The following IL3 variants were observed in gnomAD, a reference collection of about 807,000 sequenced individuals.
The protein encoded by IL3 is interleukin-3.
Under a neutral mutation model 15.4 loss-of-function variants are expected in IL3, and 15 were observed. The ratio of observed to expected loss-of-function variants is 0.97; its 90% CI spans 0.65 to 1.50. The LOEUF is 1.50. Ranked by LOEUF, IL3 falls within the 40% of genes most tolerant of loss-of-function variation. IL3 has a pLI of 0.00. For synonymous variants in IL3, 74 were observed against 79.3 expected, an observed-to-expected ratio of 0.93 and a Z score of 0.36; for missense variants, 162 against 192.2, an observed-to-expected ratio of 0.84 and a Z score of 0.93.
chr5:132,061,126 C>A, intron 2 of IL3, 118 bp downstream of exon 2: 1 of 857,256 alleles, frequency 1.2e-6, no homozygotes. Flanking sequence ...TAGCACCTAT[C>A]TCAGTGGGAT....
At position 132,062,576 on chromosome 5, in the gene IL3, T is replaced by G; in HGVS notation, c.336+9T>G. The G allele has an allele frequency of 6.2e-7, 1 of 1,614,042 alleles. No individual in the cohort carries two copies. Among genetic ancestry groups the G allele is most frequent in the Non-Finnish European group, 8.5e-7 (1 of 1,179,960 alleles). ...CCACGGCCGCACCCACGGTAAGCTG[T>G]CCCCCAAGATGCCCGTCATGGCTTG... is the stretch of plus-strand genomic sequence containing the variant. On this transcript the variant is annotated intron_variant, in intron 4 of 4. Transcript: ENST00000296870.
chr5:132,062,470 G>T, intron 3 of IL3, 56 bp from the exon 4 acceptor site: 1 of 1,613,410 alleles, frequency 6.2e-7, no homozygotes. Context: ...AGGAGAGCAG[G>T]GCCCACTCCC....
rs1448257609 is a variant in IL3, at chr5:132,060,800, TG to T, written c.97del (p.Val33LeufsTer6). On this transcript the variant is annotated frameshift_variant, in exon 1 of 5. Transcript: ENST00000296870. LOFTEE classifies it high-confidence loss of function. ...MTQTTPLKTS[W>X]VNCSNMIDEI... is the part of the protein sequence containing the mutation. ...CCAGACAACGCCCTTGAAGACAAGC[TG>T]GGTTAACTGCTCTAACATGATCGAT... The T allele has an allele frequency of 1.2e-6, 2 of 1,614,122 alleles. No homozygotes were observed. The highest frequency in any genetic ancestry group is 2.7e-5 in the African/African-American group (2 of 74,948).
Position 132,061,028 on chromosome 5 carries a change from A to G in IL3, c.204+20A>G, listed in dbSNP as rs1469922854. 2 of 1,612,986 alleles carry G rather than the reference A, an allele frequency of 1.2e-6. No individual in the cohort carries two copies. Among genetic ancestry groups the G allele is most frequent in the Non-Finnish European group, 1.7e-6 (2 of 1,178,986 alleles). ...CTGATGGTAAGAGCTCAGCCCGTGG[A>G]TCCCGATCCACTTCCTGCCTGGGTG... is the stretch of plus-strand genomic sequence containing the variant. On this transcript the variant is annotated intron_variant, in intron 2 of 4. Transcript: ENST00000296870.
At chr5:132,061,060 G>A (rs1299170878) in intron 2 of IL3, 52 bp downstream of exon 2, 18 of 1,551,956 alleles carry the variant, frequency 1.2e-5, no homozygotes, top group Non-Finnish European at 1.4e-5. Context: ...GGTGACTTCA[G>A]CCATGTCATT....
intron 2 of IL3, 74 bp from the exon 3 acceptor site, chr5:132,062,238 G>A (rs1307901122): frequency 1.7e-6 from 2 of 1,196,586 alleles, no homozygotes; most frequent in South Asian, 1.2e-5. Flanking sequence ...GAAACTGTGG[G>A]GGTGACTTCC....
intron 2 of IL3, 61 bp from the exon 3 acceptor site, chr5:132,062,251 C>A: frequency 1.5e-6 from 2 of 1,345,084 alleles, no homozygotes; most frequent in Non-Finnish European, 2.1e-6. Flanking sequence ...TGACTTCCAC[C>A]TGCTTGTGGG....
At position 132,063,058 on chromosome 5, in the gene IL3, G is replaced by T. The variant is rs974688985; in HGVS notation, c.*267G>T. 2 of 378,434 alleles carry T rather than the reference G, an allele frequency of 5.3e-6. No homozygotes were observed. Among genetic ancestry groups the T allele is most frequent in the Non-Finnish European group, 9.5e-6 (2 of 210,658 alleles). The allele number at this position is 378,434 out of a possible 1,614,324, so 23.4% of individuals were successfully genotyped here. On this transcript the variant is annotated 3_prime_UTR_variant, in exon 5 of 5. Coordinates refer to ENST00000296870, the MANE Select transcript of IL3 (RefSeq NM_000588.4). ...TATGTATTTATTTATTTATTGCCTGGAGTGTGAACTGTATTTATTTTAGCA... is the reference window on the plus strand; with the variant it reads ...TATGTATTTATTTATTTATTGCCTGTAGTGTGAACTGTATTTATTTTAGCA...
chr5:132,062,431 CCT>C, intron 3 of IL3, 30 bp downstream of exon 3: 1 of 1,612,004 alleles, frequency 6.2e-7, no homozygotes, highest in Non-Finnish European at 8.5e-7. Context: ...GTTTGGGATC[CCT>C]GTGTTGGCCC....
intron 2 of IL3, among the ~76,000 whole-genome samples, 193 bp from the exon 3 acceptor site, chr5:132,062,119 A>G (rs1756490612): frequency 6.6e-6 from 1 of 152,226 alleles, no homozygotes; most frequent in African/African-American, 2.4e-5. Flanking sequence ...TGAGGAAACC[A>G]GGTCCTGCCT....
In IL3 at chr5:132,062,577, C is replaced by T. The variant is rs755494111; in HGVS notation, c.336+10C>T. ...CACGGCCGCACCCACGGTAAGCTGT[C>T]CCCCAAGATGCCCGTCATGGCTTGC... On this transcript the variant is annotated intron_variant, in intron 4 of 4. Coordinates refer to ENST00000296870, the MANE Select transcript of IL3 (RefSeq NM_000588.4). The T allele has an allele frequency of 2.5e-6, 4 of 1,613,928 alleles. No homozygotes were observed. Among genetic ancestry groups the T allele is most frequent in the African/African-American group, 2.7e-5 (2 of 74,926 alleles).
At chr5:132,062,127 C>A (rs1756490987) in intron 2 of IL3, among the ~76,000 whole-genome samples, 185 bp from the exon 3 acceptor site, 3 of 152,216 alleles carry the variant, frequency 2.0e-5, no homozygotes, top group African/African-American at 4.8e-5. Flanking sequence ...CCAGGTCCTG[C>A]CTGCCACTCA....
Position 132,060,722 on chromosome 5 carries a change from G to A in IL3, c.16G>A (p.Val6Ile), listed in dbSNP as rs370114748. The change falls in exon 1 of 5, where the codon GTC becomes ATC. Residue 6 changes from valine (V) to isoleucine (I), a missense_variant. Physicochemically the swap from Val to Ile is conservative, Grantham distance 29. Coordinates refer to ENST00000296870, the MANE Select transcript of IL3 (RefSeq NM_000588.4). ...CGATCCAAACATGAGCCGCCTGCCC[G>A]TCCTGCTCCTGCTCCAACTCCTGGT... MSRLP[V>I]LLLLQLLVRP... 2.8e-5 allele frequency: 45 copies of A among 1,613,366 alleles called. No homozygotes were observed. The highest frequency in any genetic ancestry group is 2.7e-4 in the East Asian group (12 of 44,884).
In IL3 at chr5:132,062,360, A is replaced by T. The variant is rs746225438; in HGVS notation, c.253A>T (p.Lys85Ter). 1.2e-6 allele frequency: 2 copies of T among 1,614,224 alleles called. No individual in the cohort carries two copies. The highest frequency in any genetic ancestry group is 1.1e-5 in the South Asian group (1 of 91,090). Residue 85 changes from lysine (K) to a stop codon, truncating the protein, a stop_gained, in exon 3 of 5, where the codon AAG becomes TAG. Transcript: ENST00000296870. LOFTEE classifies it high-confidence loss of function. ...CCTGGAGGCATTCAACAGGGCTGTC[A>T]AGAGTTTACAGAACGCATCAGCAAT... ...PNLEAFNRAVKSLQNASAIES... is the reference protein window; with the variant it reads ...PNLEAFNRAV
chr5:132,062,207 T>A, intron 2 of IL3, 105 bp from the exon 3 acceptor site: 2 of 912,986 alleles, frequency 2.2e-6, no homozygotes, highest in South Asian at 1.4e-5. Context: ...AACCCGAGGA[T>A]GTCCCCAACA....
chr5:132,062,856 G>T lies in IL3; in HGVS notation c.*65G>T. On this transcript the variant is annotated 3_prime_UTR_variant, in exon 5 of 5. Transcript: ENST00000296870. ...GAGCCTCGGGACATCAAAAACAGCA[G>T]AACTTCTGAAACCTCTGGGTCATCT... is the stretch of plus-strand genomic sequence containing the variant. The T allele has an allele frequency of 1.3e-6, 2 of 1,554,820 alleles. No individual in the cohort carries two copies. Among genetic ancestry groups the T allele is most frequent in the Non-Finnish European group, 1.7e-6 (2 of 1,151,190 alleles).
At position 132,062,537 on chromosome 5, in the gene IL3, A is replaced by C. The variant is rs553264004; in HGVS notation, c.306A>C (p.Pro102=). 2.5e-6 allele frequency: 4 copies of C among 1,614,106 alleles called. No homozygotes were observed. The highest frequency in any genetic ancestry group is 2.2e-5 in the South Asian group (2 of 91,082). The change falls in exon 4 of 5, where the codon CCA becomes CCC. Residue 102 remains proline, a synonymous_variant. Transcript: ENST00000296870. The part of the protein sequence containing the change: ...AIESILKNLL[P]CLPLATAAPT... Reference sequence around the variant, plus strand: ...GTCTCTTTCCACAGAATCTCCTGCCATGTCTGCCCCTGGCCACGGCCGCAC... The same window carrying C: ...GTCTCTTTCCACAGAATCTCCTGCCCTGTCTGCCCCTGGCCACGGCCGCAC...
chr5:132,060,821 A>T lies in IL3; in HGVS notation c.115A>T (p.Ile39Phe), dbSNP rs147403014. 1 of 1,614,224 alleles carries T rather than the reference A, an allele frequency of 6.2e-7. No homozygotes were observed. The highest frequency in any genetic ancestry group is 8.5e-7 in the Non-Finnish European group (1 of 1,180,040). The part of the protein sequence containing the change: ...KTSWVNCSNM[I>F]DEIITHLKQP... ...AAGCTGGGTTAACTGCTCTAACATG[A>T]TCGATGAAATTATAACACACTTAAA... The change falls in exon 1 of 5, where the codon ATC becomes TTC. Residue 39 changes from isoleucine to phenylalanine, a missense_variant. Physicochemically the swap from Ile to Phe is conservative, Grantham distance 21. Transcript: ENST00000296870.
intron 3 of IL3, 41 bp downstream of exon 3, chr5:132,062,442 C>T (rs1756496785): frequency 1.2e-6 from 2 of 1,611,794 alleles, no homozygotes; most frequent in Non-Finnish European, 1.7e-6. Context: ...CTGTGTTGGC[C>T]CTGCCCTGCC....
Sources: allele counts gnomAD v4.1 joint callset (sites outside exome capture counted in the v4.1 genomes callset), GRCh38; gene constraint gnomAD v4.1.1; transcripts MANE v1.5; gene names NCBI Gene and HGNC (gene_info 2026-07-23, HGNC 2026-07-21).